The following BRINP1 variants were observed in gnomAD, a reference collection of about 807,000 sequenced individuals.
The protein encoded by BRINP1 is BMP/retinoic acid inducible neural specific 1.
In BRINP1, 17 loss-of-function variants were observed where a neutral mutation model predicts 72.9. That is an observed-to-expected ratio of 0.23 (90% CI 0.16 to 0.35). The LOEUF is 0.35. Ranked by LOEUF, BRINP1 falls within the 10% of genes least tolerant of loss-of-function variation. BRINP1 has a pLI of 1.00. For missense variants in BRINP1, 850 were observed against 1,001.6 expected (o/e 0.85, Z 2.04); for synonymous variants, 418 against 378.5 (o/e 1.10, Z -1.21).
chr9:119,337,020 G>A (rs1412072121), intron 1 of BRINP1, among the ~76,000 whole-genome samples: 2 of 152,028 alleles, frequency 1.3e-5, no homozygotes, highest in Admixed American at 6.6e-5. Context: ...TCTCCATCTC[G>A]ATGGTTCCAT....
At chr9:119,180,994 C>T (rs958213540) in intron 7 of BRINP1, among the ~76,000 whole-genome samples, 15 of 152,076 alleles carry the variant, frequency 9.9e-5, no homozygotes, top group South Asian at 2.1e-4. Context: ...AGGAGGATTA[C>T]GAAACAATTT....
At chr9:119,221,685 C>T (rs2118885828) in intron 5 of BRINP1, among the ~76,000 whole-genome samples, 1 of 152,152 alleles carries the variant, frequency 6.6e-6, no homozygotes, top group East Asian at 1.9e-4. Context: ...TTAGAGTAAT[C>T]TTTTGTGTTT....
At chr9:119,266,737 T>G (rs545374654) in intron 2 of BRINP1, among the ~76,000 whole-genome samples, 1 of 152,366 alleles carries the variant, frequency 6.6e-6, no homozygotes, top group East Asian at 1.9e-4. Context: ...CACATGTAAG[T>G]GAAATATGCA....
chr9:119,179,935 TCG>T (rs1489752167), intron 7 of BRINP1, among the ~76,000 whole-genome samples: 2 of 152,030 alleles, frequency 1.3e-5, no homozygotes, highest in African/African-American at 4.8e-5. Context: ...CAGCATGGAG[TCG>T]CTCATCATTT....
At chr9:119,346,126 C>G (rs1831449344) in intron 1 of BRINP1, among the ~76,000 whole-genome samples, 1 of 151,904 alleles carries the variant, frequency 6.6e-6, no homozygotes, top group African/African-American at 2.4e-5. Context: ...ATCAAACAGG[C>G]CAGAATATAA....
At chr9:119,183,208 G>A (rs1056142975) in intron 7 of BRINP1, among the ~76,000 whole-genome samples, 6 of 152,158 alleles carry the variant, frequency 3.9e-5, no homozygotes, top group Admixed American at 3.3e-4. Context: ...ATAAAGACAT[G>A]TATAAGATTG....
At chr9:119,261,528 A>AATTCTGTT (rs1444264487) in intron 2 of BRINP1, among the ~76,000 whole-genome samples, 3 of 152,162 alleles carry the variant, frequency 2.0e-5, no homozygotes, top group Non-Finnish European at 4.4e-5. Context: ...TCTGAATTTT[A>AATTCTGTT]ATTCTGTTCT....
chr9:119,367,863 C>T (rs994931621), intron 1 of BRINP1, among the ~76,000 whole-genome samples: 2 of 152,204 alleles, frequency 1.3e-5, no homozygotes, highest in African/African-American at 4.8e-5. Flanking sequence ...TCTCTCTCTC[C>T]CTCTCCACCT....
rs771737447 is a variant in BRINP1, at chr9:119,213,983, C to A, written c.858G>T (p.Met286Ile). 4 of 1,614,212 alleles carry A rather than the reference C, an allele frequency of 2.5e-6. No homozygotes were observed. In the East Asian group the frequency reaches 8.9e-5, roughly 36 times the overall value. Residue 286 changes from methionine (M) to isoleucine (I), a missense_variant, in exon 6 of 8, where the codon ATG becomes ATT. Met to Ile is a conservative substitution (Grantham distance 10, BLOSUM62 1). Coordinates refer to ENST00000265922, the MANE Select transcript of BRINP1 (RefSeq NM_014618.3). ...CNCPITDIQI[M>I]EYTLANMAKS... ...TGGCCATGTTGGCCAGCGTGTACTCCATGATCTGGATGTCCGTGATGGGGC... is the reference window on the plus strand; with the variant it reads ...TGGCCATGTTGGCCAGCGTGTACTCAATGATCTGGATGTCCGTGATGGGGC...
intron 1 of BRINP1, among the ~76,000 whole-genome samples, chr9:119,350,974 T>C (rs117906938): frequency 0.022 from 3,386 of 151,816 alleles, 57 homozygotes; most frequent in Non-Finnish European, 0.035. Context: ...TAGGTATACA[T>C]ATGCCATGGT....
chr9:119,354,199 G>C (rs573181351), intron 1 of BRINP1, among the ~76,000 whole-genome samples: 28 of 152,118 alleles, frequency 1.8e-4, no homozygotes, highest in African/African-American at 6.0e-4. Context: ...CATTTGTCTA[G>C]TGTAGAGTTT....
chr9:119,268,852 C>G (rs1000801581), intron 2 of BRINP1, among the ~76,000 whole-genome samples: 2 of 152,208 alleles, frequency 1.3e-5, no homozygotes, highest in Non-Finnish European at 2.9e-5. Context: ...CTGTCCAACT[C>G]CCATCCAACA....
intron 2 of BRINP1, among the ~76,000 whole-genome samples, chr9:119,303,315 C>T (rs1200886136): frequency 1.3e-5 from 2 of 150,236 alleles, no homozygotes; most frequent in Non-Finnish European, 3.0e-5. Context: ...CACACACACA[C>T]ACACACACAG....
At chr9:119,319,164 T>C (rs191196413) in intron 1 of BRINP1, among the ~76,000 whole-genome samples, 1 of 152,208 alleles carries the variant, frequency 6.6e-6, no homozygotes, top group East Asian at 1.9e-4. Flanking sequence ...TTACAGATCA[T>C]AACCTGAGTG....
chr9:119,176,356 C>T (rs754065273), intron 7 of BRINP1, among the ~76,000 whole-genome samples: 5 of 152,120 alleles, frequency 3.3e-5, no homozygotes, highest in Non-Finnish European at 7.3e-5. Context: ...GAAACAGAAG[C>T]TAATTTGCAT....
intron 1 of BRINP1, among the ~76,000 whole-genome samples, chr9:119,327,237 A>G (rs1413748846): frequency 1.3e-5 from 2 of 152,184 alleles, no homozygotes; most frequent in Admixed American, 6.5e-5. Flanking sequence ...GGCTGTACTT[A>G]TCAACTCATC....
chr9:119,312,986 G>GA (rs959518375), intron 2 of BRINP1, 152 bp downstream of exon 2: 1,579 of 778,326 alleles, frequency 2.0e-3, no homozygotes, highest in South Asian at 3.3e-3. Context: ...CTTGTGCAAA[G>GA]AAAAAAAAAA....
At chr9:119,168,455 T>C (rs1384024005) in intron 7 of BRINP1, among the ~76,000 whole-genome samples, 1 of 152,038 alleles carries the variant, frequency 6.6e-6, no homozygotes, top group Non-Finnish European at 1.5e-5. Context: ...ATGTTCAATG[T>C]CCTCATCTGC....
intron 2 of BRINP1, chr9:119,282,730 A>T: frequency 1.1e-6 from 1 of 919,850 alleles, no homozygotes; most frequent in East Asian, 1.2e-4. Context: ...GGACTGGGGA[A>T]CAAGAATGTT....
Sources: gnomAD v4.1 joint callset for allele counts (sites outside exome capture counted in the v4.1 genomes callset) on GRCh38, gnomAD v4.1.1 for gene constraint, MANE v1.5 for transcripts, NCBI Gene and HGNC (gene_info 2026-07-23, HGNC 2026-07-21) for gene names.